Variants in ARHGAP18 observed in about 807,000 individuals in gnomAD.
ARHGAP18 encodes the protein rho GTPase-activating protein 18.
In ARHGAP18, 67 loss-of-function variants were observed where a neutral mutation model predicts 86.2. That is an observed-to-expected ratio of 0.78 (90% confidence interval 0.64 to 0.95). The LOEUF (loss-of-function observed/expected upper bound fraction) is 0.95, where lower values mean the gene tolerates loss of function less well. Ranked by LOEUF, ARHGAP18 falls within the 40% of genes least tolerant of loss-of-function variation. The probability of loss-of-function intolerance (pLI) is 0.00; values close to 1 mark genes in which losing one functional copy is unlikely to be tolerated. For synonymous variants in ARHGAP18, 283 were observed against 280.4 expected, an observed-to-expected ratio of 1.01 and a Z score of -0.09; for missense variants, 691 against 780.4, an observed-to-expected ratio of 0.89 and a Z score of 1.37.
chr6:129,579,009 T>C (rs567612883), intron 14 of ARHGAP18, among the ~76,000 whole-genome samples: 1 of 152,202 alleles, frequency 6.6e-6, no homozygotes, highest in Admixed American at 6.5e-5. Context: ...TTCTCATTCT[T>C]TCCTGTTTCT....
At chr6:129,672,158 C>A (rs1774152810) in intron 1 of ARHGAP18, among the ~76,000 whole-genome samples, 1 of 152,134 alleles carries the variant, frequency 6.6e-6, no homozygotes, top group African/African-American at 2.4e-5. Flanking sequence ...TCATCTATGT[C>A]CTCTGCAATC....
At chr6:129,642,282 A>AT (rs1773485049) in intron 1 of ARHGAP18, among the ~76,000 whole-genome samples, 1 of 152,140 alleles carries the variant, frequency 6.6e-6, no homozygotes, top group South Asian at 2.1e-4. Context: ...ATGAAGACTC[A>AT]TTTTTCAAAT....
At chr6:129,616,353 T>G in intron 6 of ARHGAP18, 50 bp from the exon 7 acceptor site, 1 of 1,411,394 alleles carries the variant, frequency 7.1e-7, no homozygotes, top group Non-Finnish European at 9.8e-7. Flanking sequence ...CTATAAAATA[T>G]TAATATAAAA....
At chr6:129,680,103 T>G (rs531260624) in intron 1 of ARHGAP18, among the ~76,000 whole-genome samples, 1 of 152,346 alleles carries the variant, frequency 6.6e-6, no homozygotes, top group African/African-American at 2.4e-5. Flanking sequence ...TAATTTCCCA[T>G]CTCAAGATCT....
At chr6:129,649,488 A>G (rs1773656383) in intron 1 of ARHGAP18, among the ~76,000 whole-genome samples, 1 of 133,384 alleles carries the variant, frequency 7.5e-6, no homozygotes, top group African/African-American at 2.8e-5. Context: ...CGGGAGGCAG[A>G]GGTTGCAGTG....
At chr6:129,635,196 C>T (rs571934861) in intron 3 of ARHGAP18, among the ~76,000 whole-genome samples, 3 of 152,124 alleles carry the variant, frequency 2.0e-5, no homozygotes, top group Non-Finnish European at 2.9e-5. Flanking sequence ...ATTGATAATT[C>T]TACTGTATTT....
intron 13 of ARHGAP18, among the ~76,000 whole-genome samples, chr6:129,581,035 G>T (rs961756062): frequency 2.6e-5 from 4 of 152,176 alleles, no homozygotes; most frequent in Admixed American, 2.6e-4. Context: ...TAGAAACTCA[G>T]ATTTAACTGG....
chr6:129,614,076 T>C (rs375850776), intron 7 of ARHGAP18, among the ~76,000 whole-genome samples: 11 of 152,318 alleles, frequency 7.2e-5, no homozygotes, highest in East Asian at 3.9e-4. Context: ...ATTTCCCTCA[T>C]CCTTCTGAGA....
chr6:129,685,398 T>G (rs374889822), intron 1 of ARHGAP18, among the ~76,000 whole-genome samples: 2 of 142,918 alleles, frequency 1.4e-5, no homozygotes, highest in East Asian at 2.1e-4. Flanking sequence ...TCCCAGCTAC[T>G]TGGGAGGCTG....
chr6:129,588,121 CT>C (rs398066269), intron 12 of ARHGAP18, among the ~76,000 whole-genome samples: 245 of 142,370 alleles, frequency 1.7e-3, no homozygotes, highest in Middle Eastern at 3.7e-3. Flanking sequence ...GTCACCAAAT[CT>C]TTTTTTTTTT....
At chr6:129,626,065 T>TACACACAC (rs71028169) in intron 5 of ARHGAP18, among the ~76,000 whole-genome samples, 6,115 of 101,392 alleles carry the variant, frequency 0.06, 232 homozygotes, top group East Asian at 0.13. Flanking sequence ...TATACACATA[T>TACACACAC]ACACACACAC....
chr6:129,614,141 C>T (rs1200214305), intron 7 of ARHGAP18, among the ~76,000 whole-genome samples: 1 of 152,126 alleles, frequency 6.6e-6, no homozygotes, highest in Admixed American at 6.5e-5. Context: ...GGTACAGGTT[C>T]ATAGATATTA....
At chr6:129,654,429 T>C (rs1773785444) in intron 1 of ARHGAP18, among the ~76,000 whole-genome samples, 1 of 152,156 alleles carries the variant, frequency 6.6e-6, no homozygotes, top group Admixed American at 6.5e-5. Flanking sequence ...TTAAGAAATA[T>C]CTCTACTTTC....
At chr6:129,603,411 C>CT (rs1788789632) in intron 10 of ARHGAP18, among the ~76,000 whole-genome samples, 1 of 151,994 alleles carries the variant, frequency 6.6e-6, no homozygotes, top group Non-Finnish European at 1.5e-5. Context: ...TCTTTATACA[C>CT]TCATGAGAAC....
intron 1 of ARHGAP18, among the ~76,000 whole-genome samples, chr6:129,655,317 C>CAAAAAA (rs55681217): frequency 1.9e-3 from 139 of 74,940 alleles, no homozygotes; most frequent in Non-Finnish European, 2.4e-3. Flanking sequence ...AAAACTCTCT[C>CAAAAAA]AAAAAAAAAA....
chr6:129,581,188 C>T (rs1178086805), intron 13 of ARHGAP18, among the ~76,000 whole-genome samples: 2 of 152,164 alleles, frequency 1.3e-5, no homozygotes, highest in African/African-American at 2.4e-5. Context: ...GACTTGTATT[C>T]AAGCCATTAG....
chr6:129,660,924 T>C (rs191056644), intron 1 of ARHGAP18, among the ~76,000 whole-genome samples: 5 of 148,534 alleles, frequency 3.4e-5, no homozygotes, highest in Non-Finnish European at 5.9e-5. Flanking sequence ...TAAAGAATCA[T>C]CATAAAGGTC....
intron 1 of ARHGAP18, among the ~76,000 whole-genome samples, chr6:129,697,866 T>C (rs1289494435): frequency 6.6e-6 from 1 of 152,212 alleles, no homozygotes; most frequent in Non-Finnish European, 1.5e-5. Context: ...TGATATACCA[T>C]AACTTTGTAT....
intron 1 of ARHGAP18, among the ~76,000 whole-genome samples, chr6:129,669,739 C>T (rs1384518327): frequency 6.6e-6 from 1 of 151,376 alleles, no homozygotes; most frequent in African/African-American, 2.4e-5. Flanking sequence ...GAGCCGAGAT[C>T]ATGCCACTGC....
Sources: allele counts gnomAD v4.1 joint callset (sites outside exome capture counted in the v4.1 genomes callset), GRCh38; gene constraint gnomAD v4.1.1; transcripts MANE v1.5; gene names NCBI Gene and HGNC (gene_info 2026-07-23, HGNC 2026-07-21).